ATXN7L1: variants seen among roughly 807,000 people sequenced by gnomAD.
ATXN7L1 encodes ataxin-7-like protein 1.
Under a neutral mutation model 70.8 loss-of-function variants are expected in ATXN7L1, and 15 were observed. The observed-to-expected ratio is 0.21, with a 90% CI of 0.14 to 0.33. The LOEUF is 0.33. Among genes scored for constraint, ATXN7L1 ranks in the 10% least tolerant of loss-of-function variants. The pLI is 1.00. For synonymous variants in ATXN7L1, 440 were observed against 445.1 expected (o/e 0.99, Z 0.14); for missense variants, 975 against 1,097.1 (o/e 0.89, Z 1.57).
In ATXN7L1 at chr7:105,708,510, G is replaced by A. The variant is rs546087763; in HGVS notation, c.356-43222C>T. 3.3e-5 allele frequency among the ~76,000 whole-genome samples: 5 copies of A among 152,234 alleles called. No homozygotes were observed. In the South Asian group the frequency reaches 1.0e-3, roughly 32 times the overall value. On this transcript the variant is annotated intron_variant, in intron 3 of 11. Transcript: ENST00000419735. Reference sequence around the variant, plus strand: ...TATTTTTGCCCCATTAAAATAAATTGGAGCGCAACTTATTTGGGAATGTAG... The same window carrying A: ...TATTTTTGCCCCATTAAAATAAATTAGAGCGCAACTTATTTGGGAATGTAG...
At chr7:105,764,021 T>C (rs2116419934) in intron 3 of ATXN7L1, among the ~76,000 whole-genome samples, 1 of 152,222 alleles carries the variant, frequency 6.6e-6, no homozygotes, top group East Asian at 1.9e-4. Context: ...GCCCAGCTAA[T>C]TTTTATATTT....
chr7:105,674,372 T>C (rs978920620), intron 3 of ATXN7L1, among the ~76,000 whole-genome samples: 5 of 152,246 alleles, frequency 3.3e-5, no homozygotes, highest in African/African-American at 1.2e-4. Flanking sequence ...TCAGGCACTG[T>C]GTAAGCTGCT....
At chr7:105,788,535 C>A (rs1804659634) in intron 3 of ATXN7L1, 69 bp downstream of exon 3, 5 of 1,287,286 alleles carry the variant, frequency 3.9e-6, no homozygotes, top group Non-Finnish European at 4.5e-6. Flanking sequence ...TGTCGGGGAG[C>A]CCAGGGGAAG....
At chr7:105,654,261 C>T (rs1350638699) in intron 4 of ATXN7L1, among the ~76,000 whole-genome samples, 1 of 152,272 alleles carries the variant, frequency 6.6e-6, no homozygotes, top group Non-Finnish European at 1.5e-5. Context: ...TGCCTCTCCT[C>T]TTCTGAGAAG....
intron 2 of ATXN7L1, among the ~76,000 whole-genome samples, chr7:105,861,692 G>A (rs988817498): frequency 1.2e-4 from 18 of 152,202 alleles, no homozygotes; most frequent in Admixed American, 3.3e-4. Flanking sequence ...GGTGTGAACA[G>A]GAGCCAGGGT....
chr7:105,695,567 C>A lies in ATXN7L1; in HGVS notation c.356-30279G>T, dbSNP rs188126073. 7.2e-5 allele frequency among the ~76,000 whole-genome samples: 11 copies of A among 152,288 alleles called. No individual in the cohort carries two copies. In the East Asian group the frequency reaches 1.9e-3, roughly 27 times the overall value. ...TACCAAATACTAGTCTAAGTTGCAG[C>A]GAAGTGGAATGTCCCAGCAGGCCTG... On this transcript the variant is annotated intron_variant, in intron 3 of 11. Coordinates refer to ENST00000419735, the MANE Select transcript of ATXN7L1 (RefSeq NM_020725.2).
At chr7:105,713,387 C>T (rs1452545666) in intron 3 of ATXN7L1, among the ~76,000 whole-genome samples, 7 of 152,284 alleles carry the variant, frequency 4.6e-5, no homozygotes, top group Admixed American at 2.0e-4. Flanking sequence ...TGGGGTCTGA[C>T]GGGAATGGCT....
At chr7:105,707,609 C>G (rs1015942796) in intron 3 of ATXN7L1, among the ~76,000 whole-genome samples, 2 of 152,234 alleles carry the variant, frequency 1.3e-5, no homozygotes, top group East Asian at 3.8e-4. Context: ...AACTAGCTGT[C>G]TTCTCTTGCT....
intron 3 of ATXN7L1, among the ~76,000 whole-genome samples, chr7:105,670,038 T>C (rs10235253): frequency 0.018 from 2,777 of 152,048 alleles, 105 homozygotes; most frequent in African/African-American, 0.062. Flanking sequence ...ATGTCCCAGG[T>C]AGGGCAGAGT....
intron 3 of ATXN7L1, among the ~76,000 whole-genome samples, chr7:105,729,936 A>T (rs1345306790): frequency 6.6e-6 from 1 of 151,690 alleles, no homozygotes; most frequent in East Asian, 1.9e-4. Flanking sequence ...ATGGGGTTTC[A>T]CCGTGTTAGC....
chr7:105,641,214 C>CTCTCTTTTT (rs1316374331), intron 5 of ATXN7L1, among the ~76,000 whole-genome samples: 10 of 21,794 alleles, frequency 4.6e-4, no homozygotes, highest in Non-Finnish European at 7.7e-4. Flanking sequence ...CTCTCTCTCT[C>CTCTCTTTTT]TTTTTTTTTT....
intron 2 of ATXN7L1, among the ~76,000 whole-genome samples, chr7:105,870,110 C>A (rs1818032952): frequency 6.6e-6 from 1 of 151,824 alleles, no homozygotes; most frequent in Non-Finnish European, 1.5e-5. Flanking sequence ...TGAAACCCAG[C>A]CTCTACTAAA....
intron 3 of ATXN7L1, among the ~76,000 whole-genome samples, chr7:105,758,034 GTTC>G (rs35170122): frequency 0.083 from 12,610 of 152,006 alleles, 866 homozygotes; most frequent in East Asian, 0.41. Context: ...GAATTCCATA[GTTC>G]TTCCCTAAGC....
At chr7:105,705,439 A>G (rs746718049) in intron 3 of ATXN7L1, among the ~76,000 whole-genome samples, 16 of 152,146 alleles carry the variant, frequency 1.1e-4, no homozygotes, top group African/African-American at 1.2e-4. Flanking sequence ...GAAAAACTAG[A>G]TGGATGTTGG....
chr7:105,870,851 C>T (rs1333056447), intron 2 of ATXN7L1, among the ~76,000 whole-genome samples: 2 of 152,188 alleles, frequency 1.3e-5, no homozygotes, highest in East Asian at 3.9e-4. Context: ...CCTGACTGAT[C>T]CAAGCTGACT....
Position 105,638,341 on chromosome 7 carries a change from G to A in ATXN7L1, c.1202+12C>T, listed in dbSNP as rs904441453. The A allele has an allele frequency of 7.8e-6, 12 of 1,547,258 alleles. No homozygotes were observed. Among genetic ancestry groups the A allele is most frequent in the Middle Eastern group, 3.3e-4 (2 of 5,978 alleles). ...AAGCATTCAGGGCTTCTATCGTCAA[G>A]GTGGTACTTACCTAGGAAGTACAGA... On this transcript the variant is annotated intron_variant, in intron 7 of 11. Transcript: ENST00000419735.
At chr7:105,650,719 C>T (rs982582312) in intron 4 of ATXN7L1, among the ~76,000 whole-genome samples, 4 of 152,206 alleles carry the variant, frequency 2.6e-5, no homozygotes, top group Non-Finnish European at 4.4e-5. Flanking sequence ...CAAGACTTTG[C>T]TCCTCAATTG....
chr7:105,850,204 C>T (rs1001575162), intron 2 of ATXN7L1, among the ~76,000 whole-genome samples: 4 of 152,216 alleles, frequency 2.6e-5, no homozygotes, highest in Non-Finnish European at 4.4e-5. Context: ...GAAAGATGTG[C>T]CACCACGTTT....
intron 2 of ATXN7L1, among the ~76,000 whole-genome samples, chr7:105,809,531 A>G (rs1407213954): frequency 6.6e-6 from 1 of 152,170 alleles, no homozygotes; most frequent in African/African-American, 2.4e-5. Context: ...GTCCTTTATG[A>G]CTGGCTTATT....
Sources: allele counts gnomAD v4.1 joint callset (sites outside exome capture counted in the v4.1 genomes callset), GRCh38; gene constraint gnomAD v4.1.1; transcripts MANE v1.5; gene names NCBI Gene and HGNC (gene_info 2026-07-23, HGNC 2026-07-21).